ARID1B: variants seen among roughly 807,000 people sequenced by gnomAD.
ARID1B encodes AT-rich interaction domain 1B, also known as AT-rich interactive domain-containing protein 1B.
In ARID1B, 30 loss-of-function variants were observed where a neutral mutation model predicts 212.3. The ratio of observed to expected loss-of-function variants is 0.14; its 90% CI spans 0.11 to 0.19. The LOEUF (loss-of-function observed/expected upper bound fraction) is 0.19. ARID1B is among the 10% of genes least tolerant of loss of function. The probability of loss-of-function intolerance (pLI) is 1.00; values close to 1 mark genes in which losing one functional copy is unlikely to be tolerated. For missense variants in ARID1B, 2,891 were observed against 3,204.0 expected (o/e 0.90, Z 2.36); for synonymous variants, 1,402 against 1,301.7 (o/e 1.08, Z -1.66).
chr6:156,972,612 C>T (rs1777002712), intron 4 of ARID1B, among the ~76,000 whole-genome samples: 1 of 152,156 alleles, frequency 6.6e-6, no homozygotes, highest in African/African-American at 2.4e-5. Context: ...TAATGCTTTT[C>T]CATTATTATT....
chr6:157,112,733 A>G (rs1423970760), intron 6 of ARID1B, among the ~76,000 whole-genome samples: 2 of 152,200 alleles, frequency 1.3e-5, no homozygotes, highest in East Asian at 1.9e-4. Context: ...AAACTTAGCT[A>G]AATCAAACTT....
At chr6:156,885,602 G>A (rs898094342) in intron 2 of ARID1B, among the ~76,000 whole-genome samples, 3 of 152,120 alleles carry the variant, frequency 2.0e-5, no homozygotes, top group Admixed American at 6.5e-5. Flanking sequence ...TGTTCCACCT[G>A]ATGAAATTTT....
In ARID1B at chr6:157,148,379, A is replaced by G. The variant is rs1311722413; in HGVS notation, c.2762-245A>G. 6.6e-6 allele frequency among the ~76,000 whole-genome samples: 1 copy of G among 152,056 alleles called. No homozygotes were observed. Among genetic ancestry groups the G allele is most frequent in the African/African-American group, 2.4e-5 (1 of 41,394 alleles). ...TTTGTTTCTTTTTATGACCAGCCTG[A>G]ATTTCTCTTCATCAGTGCAGTGGTC... On this transcript the variant is annotated intron_variant, in intron 7 of 19. Transcript: ENST00000636930. The surrounding 1 kb of genome is among the most constrained non-coding windows in gnomAD (Gnocchi z 5.6).
At chr6:157,098,132 A>G (rs1228211069) in intron 5 of ARID1B, among the ~76,000 whole-genome samples, 2 of 152,208 alleles carry the variant, frequency 1.3e-5, no homozygotes, top group African/African-American at 4.8e-5. Context: ...GAGAGAAGGG[A>G]AAAATTAGGT....
At chr6:157,050,467 C>T (rs950659653) in intron 4 of ARID1B, among the ~76,000 whole-genome samples, 5 of 152,110 alleles carry the variant, frequency 3.3e-5, no homozygotes, top group Non-Finnish European at 5.9e-5. Flanking sequence ...TTGCTTGAAC[C>T]CAGGAGGCGG....
chr6:157,058,016 CAT>C (rs1164287744), intron 4 of ARID1B, among the ~76,000 whole-genome samples: 4 of 152,244 alleles, frequency 2.6e-5, no homozygotes, highest in Non-Finnish European at 5.9e-5. Flanking sequence ...TTTGGGAACT[CAT>C]GTGACTACAA....
chr6:156,902,735 C>CAAAAAAAAAAAA (rs869259426), intron 3 of ARID1B, among the ~76,000 whole-genome samples: 1 of 61,680 alleles, frequency 1.6e-5, no homozygotes, highest in Non-Finnish European at 3.3e-5. Flanking sequence ...GACTCTGTCT[C>CAAAAAAAAAAAA]AAAAAAAAAA....
chr6:157,106,246 C>G (rs1037881193), intron 5 of ARID1B, among the ~76,000 whole-genome samples: 2 of 152,128 alleles, frequency 1.3e-5, no homozygotes, highest in Admixed American at 1.3e-4. Flanking sequence ...AAGGGTGTGC[C>G]ACAAACTTAC....
At chr6:156,921,299 TAAA>T (rs1790763681) in intron 3 of ARID1B, among the ~76,000 whole-genome samples, 2 of 152,128 alleles carry the variant, frequency 1.3e-5, no homozygotes, top group African/African-American at 4.8e-5. Context: ...GGTAAATAAA[TAAA>T]TTTTATTTTA....
chr6:156,826,354 GC>G (rs1322784068), intron 1 of ARID1B, among the ~76,000 whole-genome samples: 2 of 152,208 alleles, frequency 1.3e-5, no homozygotes, highest in Non-Finnish European at 2.9e-5. Flanking sequence ...TTCTCACCTT[GC>G]CTTGGTGCTT....
chr6:156,921,805 G>A (rs1391481272), intron 3 of ARID1B, among the ~76,000 whole-genome samples: 1 of 152,134 alleles, frequency 6.6e-6, no homozygotes, highest in African/African-American at 2.4e-5. Context: ...CAAAACAACA[G>A]AATCTTCTTT....
intron 15 of ARID1B, chr6:157,194,681 T>A (rs1793599475): frequency 6.6e-6 from 1 of 152,236 alleles, no homozygotes; most frequent in African/African-American, 2.4e-5. Context: ...ATAATTTTTT[T>A]AATCCTTATT....
chr6:157,023,028 G>T (rs1780427389), intron 4 of ARID1B: 1 of 152,168 alleles, frequency 6.6e-6, no homozygotes, highest in African/African-American at 2.4e-5. Context: ...TTCTGTGTTT[G>T]TGATCTGTAT....
chr6:156,987,621 C>T (rs1251693071), intron 4 of ARID1B, among the ~76,000 whole-genome samples: 4 of 152,174 alleles, frequency 2.6e-5, no homozygotes, highest in South Asian at 4.1e-4. Flanking sequence ...TGAGCCACCA[C>T]GCCCGGCCCA....
intron 7 of ARID1B, among the ~76,000 whole-genome samples, chr6:157,147,457 G>A (rs574631425): frequency 1.3e-3 from 26 of 20,324 alleles, no homozygotes; most frequent in Middle Eastern, 0.05. Context: ...CCCCGCCTCC[G>A]GCCCTGACCT....
intron 3 of ARID1B, among the ~76,000 whole-genome samples, chr6:156,933,750 TTTTTTTGTTTG>T (rs1270558493): frequency 9.2e-5 from 14 of 152,120 alleles, no homozygotes; most frequent in South Asian, 2.1e-4. Flanking sequence ...TATCTGAGGC[TTTTTTTGTTTG>T]TTTTTTGTTT....
In ARID1B at chr6:157,210,071, G is replaced by GT. The variant is rs1012536504; in HGVS notation, c.*2181dup. 4.3e-6 allele frequency: 1 copy of GT among 232,846 alleles called. No homozygotes were observed. The highest frequency in any genetic ancestry group is 2.2e-5 in the African/African-American group (1 of 45,318). 14.4% of individuals were successfully genotyped at this position (232,846 alleles called of 1,614,324 possible). ...CATGCAGTTACAGTCATTGTGAGAC[G>GT]TGACTCTCCAGTGTCACGAGGAAAA... On this transcript the variant is annotated 3_prime_UTR_variant, in exon 20 of 20. Transcript: ENST00000636930.
chr6:156,995,574 C>T (rs1346465027), intron 4 of ARID1B, among the ~76,000 whole-genome samples: 3 of 152,226 alleles, frequency 2.0e-5, no homozygotes, highest in Admixed American at 6.5e-5. Flanking sequence ...CAATTTGGGA[C>T]TAGATCCTCA....
chr6:156,933,280 A>C (rs1791900317), intron 3 of ARID1B, among the ~76,000 whole-genome samples: 1 of 151,070 alleles, frequency 6.6e-6, no homozygotes, highest in South Asian at 2.1e-4. Flanking sequence ...CACTGTGTGC[A>C]CGTGTGTTGG....
Sources: gnomAD v4.1 joint callset for allele counts (sites outside exome capture counted in the v4.1 genomes callset) on GRCh38, gnomAD v4.1.1 for gene constraint, Gnocchi (gnomAD v3.1) non-coding constraint, MANE v1.5 for transcripts, NCBI Gene and HGNC (gene_info 2026-07-23, HGNC 2026-07-21) for gene names.